PALS2: variants seen among roughly 807,000 people sequenced by gnomAD.
PALS2 encodes protein associated with LIN7 2, MAGUK p55 family member.
PALS2 carries 27 observed loss-of-function variants against 61.6 expected under a neutral mutation model. The ratio of observed to expected loss-of-function variants is 0.44; its 90% CI spans 0.32 to 0.60. The LOEUF (loss-of-function observed/expected upper bound fraction) is 0.60. Among genes scored for constraint, PALS2 ranks in the 20% least tolerant of loss-of-function variants. PALS2 has a pLI of 0.05. For synonymous variants in PALS2, 236 were observed against 218.6 expected, an observed-to-expected ratio of 1.08 and a Z score of -0.70; for missense variants, 554 against 639.4, an observed-to-expected ratio of 0.87 and a Z score of 1.44.
At chr7:24,662,714 AGCAGAGATCAC>A (rs1786787906) in intron 5 of PALS2, among the ~76,000 whole-genome samples, 1 of 143,598 alleles carries the variant, frequency 7.0e-6, no homozygotes, top group African/African-American at 2.5e-5. Flanking sequence ...GGTTGCGGTG[AGCAGAGATCAC>A]GCCACTGCAC....
intron 2 of PALS2, among the ~76,000 whole-genome samples, chr7:24,641,429 T>C (rs1224912636): frequency 6.6e-6 from 1 of 152,224 alleles, no homozygotes; most frequent in East Asian, 1.9e-4. Flanking sequence ...GGGACTGTAA[T>C]AGGTTTTGTA....
In PALS2 at chr7:24,652,070, C is replaced by T. The variant is rs796833063; in HGVS notation, c.651+1358C>T. Among the ~76,000 whole-genome samples the T allele has an allele frequency of 3.7e-4, 56 of 152,314 alleles. 1 individual carries two copies. The highest frequency in any genetic ancestry group is 1.3e-3 in the African/African-American group (54 of 41,572). ...CTTAGACATTTCATATCACTAGTAC[C>T]TCTCAGGCTACCTTTATTCCTCAGT... On this transcript the variant is annotated intron_variant, in intron 5 of 11. Transcript: ENST00000222644.
At chr7:24,672,981 G>C (rs1787376262) in intron 9 of PALS2, among the ~76,000 whole-genome samples, 1 of 152,216 alleles carries the variant, frequency 6.6e-6, no homozygotes, top group East Asian at 1.9e-4. Context: ...TCCTTGTCTT[G>C]TTCATGATCT....
chr7:24,648,091 T>G (rs770148524), intron 3 of PALS2, among the ~76,000 whole-genome samples: 1 of 152,158 alleles, frequency 6.6e-6, no homozygotes, highest in African/African-American at 2.4e-5. Flanking sequence ...TTATTGAATT[T>G]TTTTCTCCAG....
Position 24,693,715 on chromosome 7 carries a change from C to G in PALS2, c.*6101C>G, listed in dbSNP as rs961899957. 6.6e-6 allele frequency: 1 copy of G among 152,090 alleles called. No homozygotes were observed. The highest frequency in any genetic ancestry group is 3.2e-3 in the Middle Eastern group (1 of 316). The allele number at this position is 152,090 out of a possible 1,614,324, so 9.4% of individuals were successfully genotyped here. A position where few individuals can be genotyped will look rare whatever the true frequency, so the allele number is the denominator to read the frequency against. On this transcript the variant is annotated 3_prime_UTR_variant, in exon 12 of 12. Transcript: ENST00000222644. ...TCTTTTAAAAAGAACTGCTGACTGG[C>G]TCCTGTCTCTTCAGTAACACTGATT...
chr7:24,600,822 TC>T (rs1173846312), intron 1 of PALS2, among the ~76,000 whole-genome samples: 1 of 152,200 alleles, frequency 6.6e-6, no homozygotes. Flanking sequence ...CAGGTTTCTG[TC>T]CTCAAGCGAA....
intron 1 of PALS2, among the ~76,000 whole-genome samples, chr7:24,610,252 C>T (rs528238498): frequency 7.9e-5 from 12 of 152,056 alleles, no homozygotes; most frequent in South Asian, 2.1e-4. Flanking sequence ...GTAATTTACC[C>T]GGGTTTTCAG....
chr7:24,673,238 T>G (rs1229689655), intron 9 of PALS2, among the ~76,000 whole-genome samples: 2 of 152,232 alleles, frequency 1.3e-5, no homozygotes, highest in Non-Finnish European at 2.9e-5. Context: ...ACCTTGTCTT[T>G]TTGTGGTAAA....
chr7:24,583,207 T>A (rs1469663275), intron 1 of PALS2, among the ~76,000 whole-genome samples: 1 of 152,138 alleles, frequency 6.6e-6, no homozygotes, highest in African/African-American at 2.4e-5. Context: ...CATATTTTTA[T>A]ACAAATCAAT....
chr7:24,573,897 C>T lies in PALS2; in HGVS notation c.-3+304C>T, dbSNP rs1351493952. The T allele has an allele frequency of 6.6e-6, 1 of 152,240 alleles. No individual in the cohort carries two copies. The highest frequency in any genetic ancestry group is 2.4e-5 in the African/African-American group (1 of 41,400). 9.4% of individuals were successfully genotyped at this position (152,240 alleles called of 1,614,324 possible). On this transcript the variant is annotated intron_variant, in intron 1 of 11. Coordinates refer to ENST00000222644, the MANE Select transcript of PALS2 (RefSeq NM_001303037.2). This position sits in a 1 kb window ranked among gnomAD's most constrained non-coding sequence, Gnocchi z 5.3. ...CCGGAGCTCGGCAACGTGTCTGGCC[C>T]ATGCTGCTTGCCGCCGCTCCCCACG...
intron 9 of PALS2, among the ~76,000 whole-genome samples, chr7:24,669,572 A>G (rs1410790226): frequency 6.6e-6 from 1 of 152,146 alleles, no homozygotes; most frequent in African/African-American, 2.4e-5. Context: ...GCATTCCTTT[A>G]GGTATATTAA....
Position 24,692,977 on chromosome 7 carries a change from TA to T in PALS2, c.*5365del, listed in dbSNP as rs1402074872. On this transcript the variant is annotated 3_prime_UTR_variant, in exon 12 of 12. Transcript: ENST00000222644. ...TTAATCCACTTTAGTTATTACTTTG[TA>T]ATTGCTTCTCAGTCATTGGCTGATA... 1.3e-5 allele frequency: 2 copies of T among 152,338 alleles called. No homozygotes were observed. The highest frequency in any genetic ancestry group is 4.8e-5 in the African/African-American group (2 of 41,584). The allele number at this position is 152,338 out of a possible 1,614,324, so 9.4% of individuals were successfully genotyped here.
chr7:24,591,229 A>G (rs76127775), intron 1 of PALS2, among the ~76,000 whole-genome samples: 3,320 of 152,234 alleles, frequency 0.022, 134 homozygotes, highest in African/African-American at 0.076. Flanking sequence ...GGAAAAATCA[A>G]TGTAAATACC....
At chr7:24,598,904 GT>G (rs1191140436) in intron 1 of PALS2, among the ~76,000 whole-genome samples, 2 of 152,098 alleles carry the variant, frequency 1.3e-5, no homozygotes, top group South Asian at 2.1e-4. Flanking sequence ...TGTCAAAAAT[GT>G]TTTTTGTGCT....
At chr7:24,678,612 G>A (rs1310806103) in intron 9 of PALS2, among the ~76,000 whole-genome samples, 4 of 152,176 alleles carry the variant, frequency 2.6e-5, no homozygotes, top group Admixed American at 2.0e-4. Flanking sequence ...AATGTGGAAA[G>A]AAAAGATGTA....
Position 24,685,607 on chromosome 7 carries a change from C to G in PALS2, c.1447-1831C>G, listed in dbSNP as rs143068734. Among the ~76,000 whole-genome samples, 354 of 151,108 alleles carry G rather than the reference C, an allele frequency of 2.3e-3. 2 individuals carry two copies. Among genetic ancestry groups the G allele is most frequent in the African/African-American group, 8.1e-3 (334 of 41,100 alleles). ...ATAGCCAGAGAGAGAATCTTTATTCCTGTTCCATCTGTATGGCATACTCCG... is the reference window on the plus strand; with the variant it reads ...ATAGCCAGAGAGAGAATCTTTATTCGTGTTCCATCTGTATGGCATACTCCG... On this transcript the variant is annotated intron_variant, in intron 11 of 11. Transcript: ENST00000222644.
At chr7:24,627,516 G>T (rs1784798852) in intron 2 of PALS2, among the ~76,000 whole-genome samples, 1 of 152,040 alleles carries the variant, frequency 6.6e-6, no homozygotes. Context: ...TAAGATCAGA[G>T]CAGAACTGAA....
rs920101649 is a variant in PALS2, at chr7:24,689,586, T to C, written c.*1972T>C. The C allele has an allele frequency of 4.0e-5, 6 of 151,396 alleles. No individual in the cohort carries two copies. The highest frequency in any genetic ancestry group is 1.5e-4 in the African/African-American group (6 of 41,268). 9.4% of individuals were successfully genotyped at this position (151,396 alleles called of 1,614,324 possible). The stretch of plus-strand genomic sequence containing the variant: ...GGAAATCTATAGGTTTTTCTTTTTT[T>C]TTTTTTTTTTCTTTTTTTGATTCTA... On this transcript the variant is annotated 3_prime_UTR_variant, in exon 12 of 12. Transcript: ENST00000222644.
intron 9 of PALS2, 41 bp from the exon 10 acceptor site, chr7:24,679,090 A>AC (rs768562038): frequency 1.3e-6 from 2 of 1,582,194 alleles, no homozygotes; most frequent in African/African-American, 2.7e-5. Context: ...TTTATGCCCT[A>AC]AAATTTCTTT....
Sources: gnomAD v4.1 joint callset for allele counts (sites outside exome capture counted in the v4.1 genomes callset) on GRCh38, gnomAD v4.1.1 for gene constraint, Gnocchi (gnomAD v3.1) non-coding constraint, MANE v1.5 for transcripts, NCBI Gene and HGNC (gene_info 2026-07-23, HGNC 2026-07-21) for gene names.